SOX6: variants seen among roughly 807,000 people sequenced by gnomAD.
SOX6 encodes transcription factor SOX-6.
In SOX6, 11 loss-of-function variants were observed where a neutral mutation model predicts 97.8. The observed-to-expected ratio is 0.11, with a 90% CI of 0.07 to 0.19. The LOEUF (loss-of-function observed/expected upper bound fraction) is 0.19, where lower values mean the gene tolerates loss of function less well. Ranked by LOEUF, SOX6 falls within the 10% of genes least tolerant of loss-of-function variation. The pLI, the probability that SOX6 is intolerant of heterozygous loss-of-function variation, is 1.00. For missense variants in SOX6, 810 were observed against 1,039.5 expected (o/e 0.78, Z 3.04); for synonymous variants, 360 against 371.4 (o/e 0.97, Z 0.35).
intron 4 of SOX6, among the ~76,000 whole-genome samples, chr11:16,600,766 T>A (rs1848259120): frequency 6.6e-6 from 1 of 152,206 alleles, no homozygotes; most frequent in South Asian, 2.1e-4. Context: ...TAAAAACACT[T>A]TCCTGTGAAT....
intron 3 of SOX6, among the ~76,000 whole-genome samples, chr11:16,280,075 G>A (rs1422599998): frequency 6.6e-6 from 1 of 151,996 alleles, no homozygotes; most frequent in Non-Finnish European, 1.5e-5. Context: ...ATCAAAAAAG[G>A]CCATTTCTTT....
At chr11:15,994,826 T>C (rs1448016874) in intron 13 of SOX6, among the ~76,000 whole-genome samples, 1 of 152,084 alleles carries the variant, frequency 6.6e-6, no homozygotes, top group Non-Finnish European at 1.5e-5. Flanking sequence ...CTCCAATAGA[T>C]AATAAATATA....
intron 12 of SOX6, among the ~76,000 whole-genome samples, chr11:16,045,268 T>C (rs1026106425): frequency 1.8e-4 from 27 of 152,228 alleles, no homozygotes; most frequent in African/African-American, 6.0e-4. Context: ...TGCAATGTGA[T>C]GGTCACTGGA....
chr11:16,127,826 A>T (rs1427347700), intron 6 of SOX6, among the ~76,000 whole-genome samples: 1 of 152,176 alleles, frequency 6.6e-6, no homozygotes, highest in Non-Finnish European at 1.5e-5. Context: ...ACAGACATAA[A>T]CAAACCCAGA....
At chr11:16,251,347 A>G (rs2134199808) in intron 3 of SOX6, among the ~76,000 whole-genome samples, 1 of 152,244 alleles carries the variant, frequency 6.6e-6, no homozygotes, top group South Asian at 2.1e-4. Flanking sequence ...TGAAAAGATT[A>G]ATGAAATTAA....
At chr11:16,476,903 A>T (rs1860262108), upstream of SOX6, among the ~76,000 whole-genome samples, 2 of 152,234 alleles carry the variant, frequency 1.3e-5, no homozygotes, top group Admixed American at 1.3e-4. Flanking sequence ...GCCATAATTC[A>T]ATCCAAAATT....
intron 9 of SOX6, among the ~76,000 whole-genome samples, chr11:16,072,112 AT>A (rs1848240678): frequency 6.6e-6 from 1 of 152,176 alleles, no homozygotes; most frequent in African/African-American, 2.4e-5. Context: ...CAAAAACAGA[AT>A]TCATTTCTGA....
chr11:16,248,639 G>A (rs909238801), intron 3 of SOX6, among the ~76,000 whole-genome samples: 2 of 152,220 alleles, frequency 1.3e-5, no homozygotes, highest in African/African-American at 4.8e-5. Flanking sequence ...TGAAGCATCT[G>A]GAATGCAAGG....
At chr11:16,721,500 G>GTCTCTCTCTCTCTCTC (rs763713850) in intron 2 of SOX6, among the ~76,000 whole-genome samples, 1 of 28,656 alleles carries the variant, frequency 3.5e-5, no homozygotes, top group Non-Finnish European at 6.3e-5. Flanking sequence ...GGTCTTTTCT[G>GTCTCTCTCTCTCTCTC]TCTCTCTCTC....
intron 2 of SOX6, among the ~76,000 whole-genome samples, chr11:16,332,621 T>C (rs73425410): frequency 1.2e-4 from 18 of 152,310 alleles, no homozygotes; most frequent in African/African-American, 4.3e-4. Context: ...AATGCATAAA[T>C]ATTCATTTCT....
chr11:16,637,608 G>C (rs1198796523), intron 3 of SOX6, among the ~76,000 whole-genome samples: 1 of 152,144 alleles, frequency 6.6e-6, no homozygotes, highest in Admixed American at 6.5e-5. Context: ...ATGTTGATTA[G>C]GGTAAATGAT....
intron 12 of SOX6, among the ~76,000 whole-genome samples, chr11:16,023,639 A>G (rs1855133378): frequency 1.3e-5 from 2 of 152,088 alleles, no homozygotes; most frequent in South Asian, 2.1e-4. Context: ...TAAAATCTGA[A>G]CCATCTCCAC....
chr11:16,636,979 G>A (rs955769238), intron 3 of SOX6, among the ~76,000 whole-genome samples: 9 of 152,140 alleles, frequency 5.9e-5, no homozygotes, highest in African/African-American at 2.2e-4. Context: ...ATAGCAGCCT[G>A]AGAACAGAAT....
At chr11:16,447,456 T>TC (rs3030898) in intron 1 of SOX6, among the ~76,000 whole-genome samples, 1 of 150,890 alleles carries the variant, frequency 6.6e-6, no homozygotes, top group African/African-American at 2.4e-5. Flanking sequence ...TCTCTCTCTC[T>TC]TTCTTTCTTT....
intron 3 of SOX6, among the ~76,000 whole-genome samples, chr11:16,292,709 A>C (rs893577425): frequency 6.6e-5 from 10 of 152,186 alleles, no homozygotes; most frequent in Non-Finnish European, 1.5e-5. Context: ...ATACAGCTGG[A>C]AAGTGCCACT....
At chr11:16,337,358 T>A (rs1856495377) in intron 2 of SOX6, among the ~76,000 whole-genome samples, 2 of 152,264 alleles carry the variant, frequency 1.3e-5, no homozygotes, top group South Asian at 4.1e-4. Flanking sequence ...CTTTCTACAG[T>A]TACAATCTAG....
intron 4 of SOX6, among the ~76,000 whole-genome samples, chr11:16,515,198 T>C (rs1232761439): frequency 6.6e-6 from 1 of 152,004 alleles, no homozygotes; most frequent in African/African-American, 2.4e-5. Flanking sequence ...CCACATCCTC[T>C]CCAGCACCTG....
At chr11:15,981,750 C>T (rs541924105) in intron 15 of SOX6, among the ~76,000 whole-genome samples, 12 of 151,958 alleles carry the variant, frequency 7.9e-5, no homozygotes, top group Non-Finnish European at 1.6e-4. Context: ...TGCAAATGTT[C>T]AAATCACTTA....
chr11:16,313,215 A>T (rs1855659655), intron 3 of SOX6: 1 of 152,174 alleles, frequency 6.6e-6, no homozygotes, highest in African/African-American at 2.4e-5. Context: ...ATCTGCCTGG[A>T]GAGTTTTTGT....
Sources: allele counts gnomAD v4.1 joint callset (sites outside exome capture counted in the v4.1 genomes callset), GRCh38; gene constraint gnomAD v4.1.1; transcripts MANE v1.5; gene names NCBI Gene and HGNC (gene_info 2026-07-23, HGNC 2026-07-21).